Variants in GLIS3 observed in about 807,000 individuals in gnomAD.
GLIS3 encodes the protein zinc finger protein GLIS3.
A neutral mutation model predicts 78.6 loss-of-function variants in GLIS3; 53 were observed. The ratio of observed to expected loss-of-function variants is 0.67; its 90% CI spans 0.54 to 0.85. The LOEUF (loss-of-function observed/expected upper bound fraction) is 0.85, where lower values mean the gene tolerates loss of function less well. Ranked by LOEUF, GLIS3 falls within the 40% of genes least tolerant of loss-of-function variation. GLIS3 has a pLI of 0.00. For synonymous variants in GLIS3, 684 were observed against 509.9 expected (o/e 1.34, Z -4.60); for missense variants, 1,703 against 1,231.1 (o/e 1.38, Z -5.74).
the GLIS3 span, among the ~76,000 whole-genome samples, chr9:4,486,993 C>T: frequency 2.0e-5 from 3 of 152,104 alleles, no homozygotes; most frequent in Non-Finnish European, 2.9e-5. Flanking sequence ...TCGACACTCC[C>T]GGCTCTATGG....
At chr9:4,184,470 T>C (rs981508522) in intron 2 of GLIS3, among the ~76,000 whole-genome samples, 3 of 152,240 alleles carry the variant, frequency 2.0e-5, no homozygotes, top group African/African-American at 4.8e-5. Flanking sequence ...GGGCAAATAC[T>C]TGGATAAGTC....
chr9:4,462,673 T>G, the GLIS3 span, among the ~76,000 whole-genome samples: 1 of 150,936 alleles, frequency 6.6e-6, no homozygotes, highest in Non-Finnish European at 1.5e-5. Flanking sequence ...ATTAGCTGGG[T>G]GTGTTGTATG....
At chr9:4,057,815 C>T (rs771224432) in intron 4 of GLIS3, among the ~76,000 whole-genome samples, 1 of 152,156 alleles carries the variant, frequency 6.6e-6, no homozygotes, top group South Asian at 2.1e-4. Context: ...GAAAAAGGAT[C>T]GTCACTGAGA....
At chr9:4,253,672 G>A (rs1458325547) in intron 2 of GLIS3, among the ~76,000 whole-genome samples, 9 of 152,196 alleles carry the variant, frequency 5.9e-5, no homozygotes, top group Admixed American at 5.9e-4. Flanking sequence ...AACTCCTGCA[G>A]CTAGCTGGGT....
chr9:4,088,670 G>A (rs933310579), intron 4 of GLIS3, among the ~76,000 whole-genome samples: 1 of 152,244 alleles, frequency 6.6e-6, no homozygotes, highest in Non-Finnish European at 1.5e-5. Flanking sequence ...TAATGCCAGA[G>A]AGTAAAGCAA....
In GLIS3 at chr9:4,205,910, C is replaced by T. The variant is rs183842221; in HGVS notation, c.389-79969G>A. Among the ~76,000 whole-genome samples, 389 of 152,332 alleles carry T rather than the reference C, an allele frequency of 2.6e-3. 2 individuals are homozygous for T. Among genetic ancestry groups the T allele is most frequent in the African/African-American group, 7.6e-3 (314 of 41,570 alleles). ...GAATAAAAGAAAACTGTTTAGGCTG[C>T]ACTCAAAGGATCAGGTGTGGTCAAC... On this transcript the variant is annotated intron_variant, in intron 2 of 10. Coordinates refer to ENST00000381971, the MANE Select transcript of GLIS3 (RefSeq NM_001042413.2).
upstream of GLIS3, among the ~76,000 whole-genome samples, chr9:4,303,267 A>G (rs1317602806): frequency 2.7e-5 from 1 of 36,822 alleles, no homozygotes; most frequent in Non-Finnish European, 4.8e-5. Context: ...ATTAAAACAC[A>G]GACACACACA....
chr9:4,476,988 A>G, the GLIS3 span, among the ~76,000 whole-genome samples: 2 of 152,162 alleles, frequency 1.3e-5, no homozygotes, highest in African/African-American at 4.8e-5. Context: ...TACACCTGCT[A>G]TGGAAAACAG....
the GLIS3 span, among the ~76,000 whole-genome samples, chr9:4,457,166 C>A: frequency 6.6e-6 from 1 of 151,770 alleles, no homozygotes; most frequent in African/African-American, 2.4e-5. Flanking sequence ...AGTTTGAGAC[C>A]AGCTGAGGCA....
intron 6 of GLIS3, chr9:3,901,229 A>C (rs1442453983): frequency 5.4e-6 from 1 of 183,494 alleles, no homozygotes; most frequent in African/African-American, 2.4e-5. Flanking sequence ...CGGAGTGAAT[A>C]AACAGCCTTG....
At chr9:3,838,583 C>T (rs1461989904) in intron 9 of GLIS3, among the ~76,000 whole-genome samples, 1 of 152,202 alleles carries the variant, frequency 6.6e-6, no homozygotes, top group Non-Finnish European at 1.5e-5. Flanking sequence ...TACGCTTCCA[C>T]ACAGCCTAGG....
At chr9:4,405,240 G>C in the GLIS3 span, among the ~76,000 whole-genome samples, 1 of 152,164 alleles carries the variant, frequency 6.6e-6, no homozygotes, top group East Asian at 1.9e-4. Flanking sequence ...TATAATCCCA[G>C]CTACTCAGGA....
At chr9:4,052,310 G>A (rs1049512736) in intron 4 of GLIS3, among the ~76,000 whole-genome samples, 2 of 151,998 alleles carry the variant, frequency 1.3e-5, no homozygotes, top group African/African-American at 2.4e-5. Context: ...CATCACAATT[G>A]GTTTAATTTT....
intron 2 of GLIS3, among the ~76,000 whole-genome samples, chr9:4,245,644 A>T (rs937404300): frequency 1.3e-5 from 2 of 152,232 alleles, no homozygotes; most frequent in Non-Finnish European, 2.9e-5. Context: ...GGCACGGAGA[A>T]AGGATTGTTT....
At chr9:4,445,901 CA>C in the GLIS3 span, among the ~76,000 whole-genome samples, 1 of 152,194 alleles carries the variant, frequency 6.6e-6, no homozygotes, top group Non-Finnish European at 1.5e-5. Flanking sequence ...TCCAAGAGGA[CA>C]GATAGAATTT....
At chr9:4,472,636 T>C in the GLIS3 span, among the ~76,000 whole-genome samples, 1 of 151,928 alleles carries the variant, frequency 6.6e-6, no homozygotes, top group East Asian at 1.9e-4. Context: ...AGGGATAGCA[T>C]TAGGAGATAT....
In GLIS3 at chr9:4,067,156, CT is replaced by C. The variant is rs1827171494; in HGVS notation, c.1710+50611del. ...GCCATTCATGTAGACTTAGAATCTT[CT>C]TTTATTTTTTTTTAATACTTAACAC... On this transcript the variant is annotated intron_variant, in intron 4 of 10. Transcript: ENST00000381971. Among the ~76,000 whole-genome samples, 3 of 126,374 alleles carry C rather than the reference CT, an allele frequency of 2.4e-5. No homozygotes were observed. In the South Asian group the frequency reaches 8.0e-4, roughly 34 times the overall value. 82.9% of individuals were successfully genotyped at this position (126,374 alleles called of 152,430 possible).
intron 2 of GLIS3, among the ~76,000 whole-genome samples, chr9:4,320,365 G>A (rs943365201): frequency 1.3e-5 from 2 of 152,030 alleles, no homozygotes; most frequent in African/African-American, 2.4e-5. Context: ...AAGGAGGTGG[G>A]ACTGAAAAGG....
At position 3,948,602 on chromosome 9, in the gene GLIS3, G is replaced by C. The variant is rs372689946; in HGVS notation, c.1711-11413C>G. On this transcript the variant is annotated intron_variant, in intron 4 of 10. Transcript: ENST00000381971. ...CTGGAACCTGACTCAAGTGATCCCA[G>C]GAATAATAAGTCTATGAAAAATTCT... is the stretch of plus-strand genomic sequence containing the variant. Among the ~76,000 whole-genome samples the C allele has an allele frequency of 2.6e-5, 4 of 152,084 alleles. 1 individual carries two copies. In the East Asian group the frequency reaches 5.8e-4, roughly 22 times the overall value.
Sources: allele counts gnomAD v4.1 joint callset (sites outside exome capture counted in the v4.1 genomes callset), GRCh38; gene constraint gnomAD v4.1.1; transcripts MANE v1.5; gene names NCBI Gene and HGNC (gene_info 2026-07-23, HGNC 2026-07-21).